The following NCOR1 variants were observed in gnomAD, a reference collection of about 807,000 sequenced individuals.
The protein encoded by NCOR1 is protein phosphatase 1, regulatory subunit 109.
In NCOR1, 63 loss-of-function variants were observed where a neutral mutation model predicts 288.1. The ratio of observed to expected loss-of-function variants is 0.22; its 90% CI spans 0.18 to 0.27. The LOEUF is 0.27. Among genes scored for constraint, NCOR1 ranks in the 10% least tolerant of loss-of-function variants. The pLI, the probability that NCOR1 is intolerant of heterozygous loss-of-function variation, is 1.00. For missense variants in NCOR1, 2,397 were observed against 3,019.2 expected (o/e 0.79, Z 4.83); for synonymous variants, 1,007 against 1,065.9 (o/e 0.94, Z 1.08).
chr17:16,142,810 T>C (rs1046341372), intron 11 of NCOR1, among the ~76,000 whole-genome samples: 1 of 152,172 alleles, frequency 6.6e-6, no homozygotes, highest in Non-Finnish European at 1.5e-5. Flanking sequence ...TCTGAAGATA[T>C]ATTTGTCAAA....
In NCOR1 at chr17:16,158,882, T is replaced by C; in HGVS notation, c.619-9A>G. 1 of 1,605,006 alleles carries C rather than the reference T, an allele frequency of 6.2e-7. No individual in the cohort carries two copies. Among genetic ancestry groups the C allele is most frequent in the Non-Finnish European group, 8.5e-7 (1 of 1,172,146 alleles). Reference sequence around the variant, plus strand: ...TCTTCTTCAAGCTGTTGCTAAGAGATCCAGAAAGAAAGAGTCAAGCATGTG... The same window carrying C: ...TCTTCTTCAAGCTGTTGCTAAGAGACCCAGAAAGAAAGAGTCAAGCATGTG... On this transcript the variant is annotated splice_polypyrimidine_tract_variant and intron_variant, in intron 5 of 45. Transcript: ENST00000268712.
chr17:16,104,244 G>A (rs2068162933), intron 19 of NCOR1, among the ~76,000 whole-genome samples: 1 of 152,040 alleles, frequency 6.6e-6, no homozygotes, highest in African/African-American at 2.4e-5. Flanking sequence ...TAAAGTACAT[G>A]AATGGTTGTG....
chr17:16,096,318 TAAAGA>T (rs1156293978), intron 21 of NCOR1, among the ~76,000 whole-genome samples: 2 of 151,270 alleles, frequency 1.3e-5, no homozygotes, highest in African/African-American at 2.4e-5. Flanking sequence ...AAAAATAAAA[TAAAGA>T]AAAGAACAAT....
intron 1 of NCOR1, 97 bp from the exon 2 acceptor site, chr17:16,194,736 T>C: frequency 2.3e-6 from 1 of 429,880 alleles, no homozygotes; most frequent in Non-Finnish European, 4.2e-6. Flanking sequence ...AAAACCACAA[T>C]TACCAGTAAA....
In NCOR1 at chr17:16,061,880, C is replaced by G. The variant is rs749051176; in HGVS notation, c.5402G>C (p.Gly1801Ala). 1.6e-5 allele frequency: 26 copies of G among 1,608,512 alleles called. No individual in the cohort carries two copies. The highest frequency in any genetic ancestry group is 2.2e-5 in the Non-Finnish European group (26 of 1,176,810). Reference protein sequence around the residue: ...AQLRIMPLPAGGPSISQGLPA... With the variant: ...AQLRIMPLPAAGPSISQGLPA... ...CAGGCCTTGGCTTATTGAAGGGCCC[C>G]CAGCAGGCAGTGGCCTGTAAATAAA... The change falls in exon 37 of 46, where the codon GGG becomes GCG. Residue 1801 changes from glycine to alanine, a missense_variant. Physicochemically the swap from Gly to Ala is moderately conservative, Grantham distance 60 (BLOSUM62 0). Coordinates refer to ENST00000268712, the MANE Select transcript of NCOR1 (RefSeq NM_006311.4).
At chr17:16,064,292 A>T (rs1280859580) in intron 34 of NCOR1, 105 bp from the exon 35 acceptor site, 9 of 1,421,142 alleles carry the variant, frequency 6.3e-6, no homozygotes, top group Non-Finnish European at 8.6e-6. Flanking sequence ...AAAAGCTTCA[A>T]ATTTGGGATA....
chr17:16,205,267 T>C (rs2091350556), intron 1 of NCOR1, among the ~76,000 whole-genome samples: 1 of 151,566 alleles, frequency 6.6e-6, no homozygotes. Context: ...GAGAACTTTT[T>C]AACCTGTTAA....
rs139772447 is a variant in NCOR1 at position 16,186,616 on chromosome 17, C to T, written c.180G>A (p.Gln60=). ...GTCGCCTTCGAAGCTGTTGCTGCTGCTGTTGCTGCAAAAGCTGTGATGCCT... is the reference window on the plus strand; with the variant it reads ...GTCGCCTTCGAAGCTGTTGCTGCTGTTGTTGCTGCAAAAGCTGTGATGCCT... ...VSQASQLLQQ[Q]QQQQLRRRPS... is the part of the protein sequence containing the mutation. The change falls in exon 3 of 46, where the codon CAG becomes CAA. Residue 60 remains glutamine, a synonymous_variant. Coordinates refer to ENST00000268712, the MANE Select transcript of NCOR1 (RefSeq NM_006311.4). 2.5e-4 allele frequency: 409 copies of T among 1,614,074 alleles called. No homozygotes were observed. The East Asian group carries it at 7.5e-3, about 30-fold the overall frequency.
chr17:16,060,439 A>C (rs185371413), intron 37 of NCOR1, among the ~76,000 whole-genome samples: 11 of 152,318 alleles, frequency 7.2e-5, no homozygotes. Flanking sequence ...CTATTCATAC[A>C]ACTATAGAAT....
intron 1 of NCOR1, among the ~76,000 whole-genome samples, chr17:16,207,355 G>A (rs1237505330): frequency 1.3e-5 from 2 of 152,162 alleles, no homozygotes; most frequent in African/African-American, 4.8e-5. Flanking sequence ...CAAGAAGAAT[G>A]TCTGTCAGTT....
Position 16,116,632 on chromosome 17 carries a change from G to C in NCOR1, c.2055+1256C>G, listed in dbSNP as rs564658835. ...CTTTCAATCTAAAATGACATTCCATGAAAAAGGGGAGGCTGGTGCAACTTA... is the reference window on the plus strand; with the variant it reads ...CTTTCAATCTAAAATGACATTCCATCAAAAAGGGGAGGCTGGTGCAACTTA... On this transcript the variant is annotated intron_variant, in intron 18 of 45. Coordinates refer to ENST00000268712, the MANE Select transcript of NCOR1 (RefSeq NM_006311.4). 3.3e-5 allele frequency among the ~76,000 whole-genome samples: 5 copies of C among 152,262 alleles called. No homozygotes were observed. In the South Asian group the frequency reaches 1.0e-3, roughly 32 times the overall value.
intron 3 of NCOR1, among the ~76,000 whole-genome samples, chr17:16,183,225 T>TCAAA (rs1235790005): frequency 3.2e-4 from 13 of 40,630 alleles, no homozygotes; most frequent in Admixed American, 2.7e-3. Flanking sequence ...GCAAGAGCAA[T>TCAAA]CAAACAAAAA....
At chr17:16,199,216 A>AAAAACAC (rs1337668798) in intron 1 of NCOR1, among the ~76,000 whole-genome samples, 57 of 122,302 alleles carry the variant, frequency 4.7e-4, no homozygotes, top group African/African-American at 9.1e-4. Context: ...AAAAAAAAAA[A>AAAAACAC]ACACACACAC....
At chr17:16,034,657 G>T in intron 45 of NCOR1, 108 bp downstream of exon 45, 1 of 987,342 alleles carries the variant, frequency 1.0e-6, no homozygotes, top group South Asian at 1.6e-5. Context: ...ACAGAAATGG[G>T]AATATAGGTT....
chr17:16,137,394 A>G lies in NCOR1; in HGVS notation c.1426T>C (p.Leu476=), dbSNP rs774902053. The G allele has an allele frequency of 5.8e-6, 9 of 1,564,976 alleles. No individual in the cohort carries two copies. Among genetic ancestry groups the G allele is most frequent in the Admixed American group, 5.3e-5 (3 of 57,140 alleles). Residue 476 remains leucine, a synonymous_variant, in exon 14 of 46, where the codon TTG becomes CTG. Coordinates refer to ENST00000268712, the MANE Select transcript of NCOR1 (RefSeq NM_006311.4). ...LERKSVPDCV[L]YYYLTKKNEN... is the part of the protein sequence containing the mutation. The stretch of plus-strand genomic sequence containing the variant: ...TTTTTCTTGGTTAAATAGTAATACA[A>G]AACACAATCAGGAACACTCTGTAAG...
At chr17:16,211,429 C>T (rs76354931) in intron 1 of NCOR1, among the ~76,000 whole-genome samples, 1,849 of 151,892 alleles carry the variant, frequency 0.012, 41 homozygotes, top group African/African-American at 0.042. Flanking sequence ...AGATGGGACT[C>T]GCTCTGTTGT....
chr17:16,061,398 T>C lies in NCOR1; in HGVS notation c.5881+3A>G, dbSNP rs1418043537. On this transcript the variant is annotated splice_donor_region_variant and intron_variant, in intron 37 of 45. Coordinates refer to ENST00000268712, the MANE Select transcript of NCOR1 (RefSeq NM_006311.4). ...ATTGTGAAACTCGGATTGAGATACATACAGCTACTAGAAGAGTCTGAACTT... is the reference window on the plus strand; with the variant it reads ...ATTGTGAAACTCGGATTGAGATACACACAGCTACTAGAAGAGTCTGAACTT... 6.2e-7 allele frequency: 1 copy of C among 1,612,866 alleles called. No homozygotes were observed. Among genetic ancestry groups the C allele is most frequent in the Non-Finnish European group, 8.5e-7 (1 of 1,179,102 alleles).
intron 42 of NCOR1, among the ~76,000 whole-genome samples, chr17:16,041,727 T>A (rs1434959785): frequency 6.6e-6 from 1 of 151,618 alleles, no homozygotes; most frequent in Non-Finnish European, 1.5e-5. Context: ...AATGTGAAAT[T>A]AATTAATTTA....
intron 3 of NCOR1, among the ~76,000 whole-genome samples, chr17:16,178,797 A>G (rs1013585193): frequency 2.0e-5 from 3 of 152,114 alleles, no homozygotes; most frequent in Non-Finnish European, 4.4e-5. Flanking sequence ...AAACTTAACC[A>G]AGAAATGTAT....
Sources: allele counts gnomAD v4.1 joint callset (sites outside exome capture counted in the v4.1 genomes callset), GRCh38; gene constraint gnomAD v4.1.1; transcripts MANE v1.5; gene names NCBI Gene and HGNC (gene_info 2026-07-23, HGNC 2026-07-21).